Variants in TNFSF4 observed in about 807,000 individuals in gnomAD.
TNFSF4 encodes tumor necrosis factor ligand superfamily member 4.
A neutral mutation model predicts 7.3 loss-of-function variants in TNFSF4; 4 were observed. That is an observed-to-expected ratio of 0.55 (90% confidence interval 0.27 to 1.25). The LOEUF is 1.25. Ranked by LOEUF, TNFSF4 falls within the 50% of genes most tolerant of loss-of-function variation. The probability of loss-of-function intolerance (pLI) is 0.12; values close to 1 mark genes in which losing one functional copy is unlikely to be tolerated. For synonymous variants in TNFSF4, 76 were observed against 83.7 expected (o/e 0.91, Z 0.50); for missense variants, 181 against 208.8 (o/e 0.87, Z 0.82).
the TNFSF4 span, among the ~76,000 whole-genome samples, chr1:173,310,986 C>T: frequency 6.6e-6 from 1 of 151,848 alleles, no homozygotes; most frequent in Non-Finnish European, 1.5e-5. Context: ...AATCTTTTCA[C>T]AGCCTCACTT....
At chr1:173,215,832 A>G in the TNFSF4 span, among the ~76,000 whole-genome samples, 1 of 152,198 alleles carries the variant, frequency 6.6e-6, no homozygotes, top group African/African-American at 2.4e-5. Context: ...TATAGGGTTT[A>G]CATGGGACAA....
At chr1:173,446,083 A>C in the TNFSF4 span, among the ~76,000 whole-genome samples, 2 of 152,192 alleles carry the variant, frequency 1.3e-5, no homozygotes, top group African/African-American at 4.8e-5. Context: ...AGAACCAATA[A>C]AAGTTTACTA....
the TNFSF4 span, among the ~76,000 whole-genome samples, chr1:173,330,204 A>C: frequency 3.3e-5 from 5 of 152,142 alleles, no homozygotes; most frequent in African/African-American, 1.2e-4. Context: ...AACATACTCA[A>C]AAATAATGAT....
At chr1:173,395,029 TAGATAGATGATAGATAGATAGATAGATA>T in the TNFSF4 span, among the ~76,000 whole-genome samples, 11 of 104,678 alleles carry the variant, frequency 1.1e-4, no homozygotes, top group African/African-American at 4.0e-4. Flanking sequence ...GATAGATAGA[TAGATAGATGATAGATAGATAGATAGATA>T]GATAGATAGA....
chr1:173,295,713 A>G, the TNFSF4 span, among the ~76,000 whole-genome samples: 1 of 151,976 alleles, frequency 6.6e-6, no homozygotes, highest in African/African-American at 2.4e-5. Flanking sequence ...TTCATCTTCA[A>G]CGTCATCTTA....
At chr1:173,254,441 A>G in the TNFSF4 span, among the ~76,000 whole-genome samples, 793 of 152,256 alleles carry the variant, frequency 5.2e-3, 3 homozygotes, top group Non-Finnish European at 8.3e-3. Flanking sequence ...TCCTTATTCA[A>G]CTGACTCCAG....
chr1:173,401,884 G>A, the TNFSF4 span, among the ~76,000 whole-genome samples: 1 of 152,126 alleles, frequency 6.6e-6, no homozygotes, highest in Non-Finnish European at 1.5e-5. Context: ...TGCTGCTAAT[G>A]TCCTATCTTA....
At chr1:173,294,498 G>T in the TNFSF4 span, among the ~76,000 whole-genome samples, 7 of 151,924 alleles carry the variant, frequency 4.6e-5, no homozygotes, top group African/African-American at 1.7e-4. Flanking sequence ...CAAGTACTAT[G>T]CTCACTACCT....
At chr1:173,272,208 G>C in the TNFSF4 span, among the ~76,000 whole-genome samples, 1 of 152,026 alleles carries the variant, frequency 6.6e-6, no homozygotes, top group Admixed American at 6.6e-5. Flanking sequence ...GGGGTGGTGG[G>C]GGGTGCAGAG....
At chr1:173,225,158 G>A in the TNFSF4 span, among the ~76,000 whole-genome samples, 3 of 152,122 alleles carry the variant, frequency 2.0e-5, no homozygotes, top group Non-Finnish European at 4.4e-5. Context: ...GAAAGAGGTT[G>A]GTTAAATACT....
the TNFSF4 span, among the ~76,000 whole-genome samples, chr1:173,383,069 A>G: frequency 1.3e-5 from 2 of 152,178 alleles, no homozygotes; most frequent in South Asian, 2.1e-4. Context: ...GTTATCCCCA[A>G]CATACGTTGG....
the TNFSF4 span, among the ~76,000 whole-genome samples, chr1:173,319,636 T>C: frequency 6.6e-6 from 1 of 152,180 alleles, no homozygotes; most frequent in Non-Finnish European, 1.5e-5. Flanking sequence ...GGCGCCCTTC[T>C]GGGATGAAGC....
the TNFSF4 span, among the ~76,000 whole-genome samples, chr1:173,315,774 T>C: frequency 6.6e-6 from 1 of 152,194 alleles, no homozygotes. Flanking sequence ...TTGTTTGAAT[T>C]CCTTAAATAT....
At chr1:173,212,404 G>A in the TNFSF4 span, among the ~76,000 whole-genome samples, 1 of 152,076 alleles carries the variant, frequency 6.6e-6, no homozygotes, top group Non-Finnish European at 1.5e-5. Flanking sequence ...AACAACCACT[G>A]AAGGTCTCTT....
chr1:173,178,997 A>G (rs1453249219), downstream of TNFSF4, among the ~76,000 whole-genome samples: 1 of 152,222 alleles, frequency 6.6e-6, no homozygotes, highest in Non-Finnish European at 1.5e-5. Context: ...AAATGCCTCT[A>G]GAATCTGGAA....
chr1:173,427,475 C>T, the TNFSF4 span, among the ~76,000 whole-genome samples: 2 of 151,858 alleles, frequency 1.3e-5, no homozygotes, highest in Non-Finnish European at 2.9e-5. Flanking sequence ...GTGATGAAGT[C>T]AAGAAACCCT....
At chr1:173,330,111 C>T in the TNFSF4 span, among the ~76,000 whole-genome samples, 2 of 151,968 alleles carry the variant, frequency 1.3e-5, no homozygotes, top group African/African-American at 4.8e-5. Context: ...TAAATAAGTC[C>T]AATTTGGAGA....
At chr1:173,333,329 A>G in the TNFSF4 span, among the ~76,000 whole-genome samples, 2 of 152,102 alleles carry the variant, frequency 1.3e-5, no homozygotes, top group African/African-American at 4.8e-5. Flanking sequence ...GGCCTGAAAA[A>G]AAAACATAAA....
At chr1:173,295,619 T>C in the TNFSF4 span, among the ~76,000 whole-genome samples, 1 of 152,050 alleles carries the variant, frequency 6.6e-6, no homozygotes, top group Non-Finnish European at 1.5e-5. Flanking sequence ...TTTCTGCTGT[T>C]AATCCTCAGG....
Sources: allele counts gnomAD v4.1 joint callset (sites outside exome capture counted in the v4.1 genomes callset), GRCh38; gene constraint gnomAD v4.1.1; transcripts MANE v1.5; gene names NCBI Gene and HGNC (gene_info 2026-07-23, HGNC 2026-07-21).